Variants in NR6A1 observed in about 807,000 individuals in gnomAD.
The protein encoded by NR6A1 is nuclear receptor subfamily 6 group A member 1.
Under a neutral mutation model 59.1 loss-of-function variants are expected in NR6A1, and 7 were observed. The ratio of observed to expected loss-of-function variants is 0.12; its 90% CI spans 0.07 to 0.22. The LOEUF (loss-of-function observed/expected upper bound fraction) is 0.22, where lower values mean the gene tolerates loss of function less well. NR6A1 is among the 10% of genes least tolerant of loss of function. NR6A1 has a pLI of 1.00. For synonymous variants in NR6A1, 243 were observed against 236.1 expected (o/e 1.03, Z -0.27); for missense variants, 468 against 611.6 (o/e 0.77, Z 2.48).
intron 2 of NR6A1, among the ~76,000 whole-genome samples, chr9:124,619,829 A>G (rs1836010274): frequency 6.6e-6 from 1 of 152,200 alleles, no homozygotes; most frequent in Non-Finnish European, 1.5e-5. Context: ...TGGGAGGCCG[A>G]GGCAGGTGGA....
chr9:124,742,987 G>T (rs1378571217), intron 1 of NR6A1, among the ~76,000 whole-genome samples: 2 of 152,058 alleles, frequency 1.3e-5, no homozygotes, highest in African/African-American at 4.8e-5. Context: ...CTTCCCTTTG[G>T]GGGGGCCCTT....
intron 7 of NR6A1, among the ~76,000 whole-genome samples, chr9:124,532,394 T>C (rs1340563197): frequency 6.6e-6 from 1 of 152,228 alleles, no homozygotes; most frequent in Non-Finnish European, 1.5e-5. Flanking sequence ...CTCCTTGGTC[T>C]ATGCTTGTAC....
intron 2 of NR6A1, among the ~76,000 whole-genome samples, chr9:124,576,772 T>A (rs998881052): frequency 2.0e-5 from 3 of 152,208 alleles, no homozygotes; most frequent in Admixed American, 2.0e-4. Context: ...ATAACTTTAG[T>A]CTGGGCTCAA....
chr9:124,698,420 G>A (rs1330897948), intron 2 of NR6A1: 1 of 152,146 alleles, frequency 6.6e-6, no homozygotes, highest in Admixed American at 6.5e-5. Flanking sequence ...TGCAGGGATA[G>A]TAGAAAGTAA....
intron 8 of NR6A1, among the ~76,000 whole-genome samples, chr9:124,526,476 T>C (rs760838463): frequency 6.6e-6 from 1 of 152,180 alleles, no homozygotes; most frequent in Non-Finnish European, 1.5e-5. Context: ...CCTTGGTGTC[T>C]GTGTGCAAAT....
At chr9:124,664,018 A>G (rs1837527114) in intron 2 of NR6A1, among the ~76,000 whole-genome samples, 1 of 152,218 alleles carries the variant, frequency 6.6e-6, no homozygotes, top group African/African-American at 2.4e-5. Context: ...CAACAACATC[A>G]AAGTCCTAAA....
At chr9:124,636,829 G>GATTTGTTTAACATGATGAGATCTGCCA (rs1836623889) in intron 2 of NR6A1, among the ~76,000 whole-genome samples, 1 of 152,064 alleles carries the variant, frequency 6.6e-6, no homozygotes, top group Non-Finnish European at 1.5e-5. Flanking sequence ...CCCTCACAGA[G>GATTTGTTTAACATGATGAGATCTGCCA]ATTTGTTTAA....
At chr9:124,569,970 A>T (rs1193668993) in intron 2 of NR6A1, among the ~76,000 whole-genome samples, 1 of 152,238 alleles carries the variant, frequency 6.6e-6, no homozygotes, top group Non-Finnish European at 1.5e-5. Context: ...ACTAGTGTGA[A>T]AGGAAAATAA....
chr9:124,575,651 T>C (rs2131443463), intron 2 of NR6A1, among the ~76,000 whole-genome samples: 1 of 152,318 alleles, frequency 6.6e-6, no homozygotes, highest in Middle Eastern at 3.4e-3. Context: ...CTACATGTCT[T>C]AGTCTATATT....
intron 1 of NR6A1, among the ~76,000 whole-genome samples, chr9:124,764,434 G>A (rs1306243994): frequency 6.6e-6 from 1 of 152,110 alleles, no homozygotes; most frequent in Non-Finnish European, 1.5e-5. Flanking sequence ...TGGGTTGGAA[G>A]AGCAAGCAGA....
chr9:124,748,864 C>CAAA (rs533825423), intron 1 of NR6A1, among the ~76,000 whole-genome samples: 1 of 66,930 alleles, frequency 1.5e-5, no homozygotes, highest in African/African-American at 4.9e-5. Flanking sequence ...GACTCTGTCT[C>CAAA]AAAAAAAAAA....
chr9:124,590,660 T>C (rs368243722), intron 2 of NR6A1, among the ~76,000 whole-genome samples: 13 of 152,340 alleles, frequency 8.5e-5, no homozygotes, highest in South Asian at 4.1e-4. Context: ...GCCATTGATA[T>C]AACCCCTGAA....
At chr9:124,617,566 G>A (rs1275789768) in intron 2 of NR6A1, among the ~76,000 whole-genome samples, 1 of 152,146 alleles carries the variant, frequency 6.6e-6, no homozygotes, top group African/African-American at 2.4e-5. Context: ...GGGTTATGAA[G>A]TTGGAAACTA....
At position 124,631,161 on chromosome 9, in the gene NR6A1, C is replaced by T. The variant is rs150024887; in HGVS notation, c.143-76591G>A. ...GTTTGTTATGAACAGTTTTAAAAGC[C>T]CTATAAGGAATATGCGTGCTGTACC... On this transcript the variant is annotated intron_variant, in intron 2 of 9. Coordinates refer to ENST00000487099, the MANE Select transcript of NR6A1 (RefSeq NM_033334.4). Among the ~76,000 whole-genome samples, 619 of 151,776 alleles carry T rather than the reference C, an allele frequency of 4.1e-3. 3 individuals carry two copies. The highest frequency in any genetic ancestry group is 0.014 in the African/African-American group (564 of 41,332).
At position 124,535,906 on chromosome 9, in the gene NR6A1, A is replaced by G. The variant is rs1833249133; in HGVS notation, c.1051T>C (p.Tyr351His). The G allele has an allele frequency of 1.9e-6, 3 of 1,614,104 alleles. No individual in the cohort carries two copies. Among genetic ancestry groups the G allele is most frequent in the Non-Finnish European group, 2.5e-6 (3 of 1,180,046 alleles). ...TGTAGTTCTTCATCGGAGGGCGAGT[A>G]CTTGGCAGTGACATCAGCCAGTTCC... ...FGELADVTAKYSPSDEELHRF... is the reference protein window; with the variant it reads ...FGELADVTAKHSPSDEELHRF... Residue 351 changes from tyrosine to histidine, a missense_variant, in exon 7 of 10, where the codon TAC becomes CAC. By Grantham distance (83) the Tyr-to-His change is moderately conservative (BLOSUM62 2). This residue lies in a region of NR6A1 where 176 missense variants were observed against 264.0 expected (regional missense o/e 0.67). Coordinates refer to ENST00000487099, the MANE Select transcript of NR6A1 (RefSeq NM_033334.4).
chr9:124,530,867 T>C (rs1232533096), intron 7 of NR6A1, among the ~76,000 whole-genome samples: 1 of 152,244 alleles, frequency 6.6e-6, no homozygotes, highest in East Asian at 1.9e-4. Context: ...GGCTGGGCAT[T>C]GGAGCACAAC....
intron 2 of NR6A1, among the ~76,000 whole-genome samples, chr9:124,619,491 G>A (rs567767377): frequency 8.5e-5 from 13 of 152,144 alleles, no homozygotes; most frequent in South Asian, 2.1e-4. Flanking sequence ...TGAAACTCCT[G>A]AGCTCAAGCA....
At chr9:124,530,517 T>C (rs1203120064) in intron 7 of NR6A1, among the ~76,000 whole-genome samples, 2 of 152,206 alleles carry the variant, frequency 1.3e-5, no homozygotes, top group Admixed American at 1.3e-4. Flanking sequence ...CCCATTCTTC[T>C]TCTAGGTTCC....
intron 2 of NR6A1, among the ~76,000 whole-genome samples, chr9:124,676,114 T>C (rs751971268): frequency 1.3e-5 from 2 of 152,104 alleles, no homozygotes; most frequent in Non-Finnish European, 2.9e-5. Flanking sequence ...AATAAGTTCT[T>C]AGGAATCAGT....
Sources: gnomAD v4.1 joint callset for allele counts (sites outside exome capture counted in the v4.1 genomes callset) on GRCh38, gnomAD v4.1.1 for gene constraint, gnomAD v4.1.1 regional missense constraint, MANE v1.5 for transcripts, NCBI Gene and HGNC (gene_info 2026-07-23, HGNC 2026-07-21) for gene names.